Variants in KLHL29 observed in about 807,000 individuals in gnomAD.
KLHL29 encodes the protein kelch like family member 29.
Under a neutral mutation model 80.4 loss-of-function variants are expected in KLHL29, and 21 were observed. The ratio of observed to expected loss-of-function variants is 0.26; its 90% CI spans 0.19 to 0.38. The LOEUF (loss-of-function observed/expected upper bound fraction) is 0.38. Ranked by LOEUF, KLHL29 falls within the 10% of genes least tolerant of loss-of-function variation. The pLI, the probability that KLHL29 is intolerant of heterozygous loss-of-function variation, is 1.00. For missense variants in KLHL29, 867 were observed against 1,223.9 expected (o/e 0.71, Z 4.35); for synonymous variants, 511 against 526.8 (o/e 0.97, Z 0.41).
At chr2:23,518,298 C>T (rs1666000704) in intron 2 of KLHL29, among the ~76,000 whole-genome samples, 1 of 152,172 alleles carries the variant, frequency 6.6e-6, no homozygotes, top group African/African-American at 2.4e-5. Context: ...TGTTATTTTC[C>T]TTGCTTAGAA....
At chr2:23,559,890 C>T (rs1457605232) in intron 2 of KLHL29, among the ~76,000 whole-genome samples, 2 of 152,040 alleles carry the variant, frequency 1.3e-5, no homozygotes, top group African/African-American at 4.8e-5. Flanking sequence ...GGAAGAGGAG[C>T]CCGCCAAGGA....
intron 5 of KLHL29, among the ~76,000 whole-genome samples, chr2:23,665,078 A>G (rs1670517254): frequency 6.6e-6 from 1 of 152,228 alleles, no homozygotes; most frequent in South Asian, 2.1e-4. Flanking sequence ...GCTGAGCTAG[A>G]GCCGCTGGTA....
chr2:23,664,025 C>T (rs1418139733), intron 5 of KLHL29, among the ~76,000 whole-genome samples: 2 of 152,160 alleles, frequency 1.3e-5, no homozygotes, highest in African/African-American at 4.8e-5. Flanking sequence ...GCGCCTGGCA[C>T]ACTACAGAAA....
chr2:23,684,046 T>G lies in KLHL29; in HGVS notation c.941-353T>G, dbSNP rs1330684386. 2.6e-5 allele frequency among the ~76,000 whole-genome samples: 4 copies of G among 152,270 alleles called. No individual in the cohort carries two copies. Among genetic ancestry groups the G allele is most frequent in the African/African-American group, 9.6e-5 (4 of 41,472 alleles). ...TTTGGAGAACTTGCTCCGTAGTTATTTGACAGTTTTTAGTTGTCTGTGATA... is the reference window on the plus strand; with the variant it reads ...TTTGGAGAACTTGCTCCGTAGTTATGTGACAGTTTTTAGTTGTCTGTGATA... On this transcript the variant is annotated intron_variant, in intron 5 of 13. Transcript: ENST00000486442. The surrounding 1 kb of genome is among the most constrained non-coding windows in gnomAD (Gnocchi z 4.4).
intron 13 of KLHL29, among the ~76,000 whole-genome samples, chr2:23,706,028 T>C (rs1572543796): frequency 6.6e-6 from 1 of 152,202 alleles, no homozygotes; most frequent in African/African-American, 2.4e-5. Flanking sequence ...CCTTGGCAGG[T>C]GGAGCTCCCA....
At chr2:23,620,906 G>A (rs962265365) in intron 3 of KLHL29, among the ~76,000 whole-genome samples, 6 of 152,214 alleles carry the variant, frequency 3.9e-5, no homozygotes, top group East Asian at 1.9e-4. Context: ...TGGCTGGAGC[G>A]CTGCTGCCAC....
intron 4 of KLHL29, 124 bp downstream of exon 4, chr2:23,639,404 C>T (rs1669706081): frequency 1.1e-6 from 1 of 938,466 alleles, no homozygotes; most frequent in Non-Finnish European, 1.6e-6. Context: ...AAGCCCCCTC[C>T]TCAGGTTCAG....
At chr2:23,537,032 C>T (rs1225739994) in intron 2 of KLHL29, among the ~76,000 whole-genome samples, 1 of 152,122 alleles carries the variant, frequency 6.6e-6, no homozygotes, top group Admixed American at 6.5e-5. Context: ...TCCGTTACGT[C>T]CCTGTTCTTG....
chr2:23,609,915 C>T (rs574936391), intron 3 of KLHL29, among the ~76,000 whole-genome samples: 2 of 152,302 alleles, frequency 1.3e-5, no homozygotes, highest in African/African-American at 4.8e-5. Flanking sequence ...CCTGACCCCC[C>T]ACTTCTTTCC....
intron 2 of KLHL29, among the ~76,000 whole-genome samples, chr2:23,486,544 C>A (rs1664937554): frequency 6.6e-6 from 1 of 152,182 alleles, no homozygotes; most frequent in South Asian, 2.1e-4. Context: ...TTCTGGGACT[C>A]CACCACAATT....
intron 2 of KLHL29, among the ~76,000 whole-genome samples, chr2:23,504,412 A>C (rs993196004): frequency 6.6e-6 from 1 of 152,164 alleles, no homozygotes; most frequent in Non-Finnish European, 1.5e-5. Context: ...GGATGTCTAC[A>C]GGGTGCCCCA....
chr2:23,662,293 CCTACT>C (rs1346610582), intron 5 of KLHL29, among the ~76,000 whole-genome samples: 1 of 152,208 alleles, frequency 6.6e-6, no homozygotes, highest in Non-Finnish European at 1.5e-5. Context: ...AGGATTTAAC[CCTACT>C]GTCTTACTAT....
chr2:23,641,691 G>A (rs1404245137), intron 4 of KLHL29, among the ~76,000 whole-genome samples: 1 of 152,226 alleles, frequency 6.6e-6, no homozygotes, highest in Non-Finnish European at 1.5e-5. Flanking sequence ...GAGGAAATAA[G>A]GACTTGCTGA....
At chr2:23,408,195 A>G (rs1666777241) in intron 1 of KLHL29, among the ~76,000 whole-genome samples, 1 of 142,010 alleles carries the variant, frequency 7.0e-6, no homozygotes, top group Non-Finnish European at 1.5e-5. Context: ...TTATTTCCCA[A>G]AATATTTTTG....
intron 2 of KLHL29, among the ~76,000 whole-genome samples, chr2:23,540,802 T>C (rs936088121): frequency 6.6e-6 from 1 of 152,174 alleles, no homozygotes. Context: ...CTACAGACCG[T>C]CCCCTCCCCA....
At chr2:23,488,470 T>G (rs1664994324) in intron 2 of KLHL29, among the ~76,000 whole-genome samples, 1 of 152,086 alleles carries the variant, frequency 6.6e-6, no homozygotes, top group South Asian at 2.1e-4. Flanking sequence ...TGGCTACAAT[T>G]CCCCATTGCG....
intron 5 of KLHL29, chr2:23,643,126 C>A (rs977572305): frequency 3.4e-6 from 2 of 588,078 alleles, no homozygotes; most frequent in East Asian, 3.1e-5. Context: ...GAGCCCGTCC[C>A]CCTCCAGCCC....
At chr2:23,490,198 C>CA in intron 2 of KLHL29, among the ~76,000 whole-genome samples, 1 of 152,058 alleles carries the variant, frequency 6.6e-6, no homozygotes, top group South Asian at 2.1e-4. Context: ...CTTCTGGGAA[C>CA]AAAAAACCCC....
At chr2:23,592,003 GGCA>G (rs1668275285) in intron 3 of KLHL29, among the ~76,000 whole-genome samples, 1 of 152,258 alleles carries the variant, frequency 6.6e-6, no homozygotes, top group South Asian at 2.1e-4. Flanking sequence ...CTGCCAAACA[GGCA>G]TCTGCCGTGA....
Sources: gnomAD v4.1 joint callset for allele counts (sites outside exome capture counted in the v4.1 genomes callset) on GRCh38, gnomAD v4.1.1 for gene constraint, Gnocchi (gnomAD v3.1) non-coding constraint, MANE v1.5 for transcripts, NCBI Gene and HGNC (gene_info 2026-07-23, HGNC 2026-07-21) for gene names.